Variants in RNF40 observed in about 807,000 individuals in gnomAD.
The protein encoded by RNF40 is ring finger protein 40, also known as E3 ubiquitin-protein ligase BRE1B.
A neutral mutation model predicts 123.3 loss-of-function variants in RNF40; 39 were observed. That is an observed-to-expected ratio of 0.32 (90% CI 0.24 to 0.41). RNF40 has a LOEUF of 0.41. Ranked by LOEUF, RNF40 falls within the 10% of genes least tolerant of loss-of-function variation. RNF40 has a pLI of 1.00. For missense variants in RNF40, 1,003 were observed against 1,319.9 expected (o/e 0.76, Z 3.72); for synonymous variants, 538 against 526.0 (o/e 1.02, Z -0.31).
In RNF40 at chr16:30,775,356, C is replaced by A; in HGVS notation, c.*1242C>A. The stretch of plus-strand genomic sequence containing the variant: ...GGAGAGCGTGGTGGTCGTCGCGGAG[C>A]CGCCTGTCCTGCTCCCACCGACCCC... On this transcript the variant is annotated 3_prime_UTR_variant, in exon 20 of 20. Coordinates refer to ENST00000324685, the MANE Select transcript of RNF40 (RefSeq NM_014771.4). 1 of 281,840 alleles carries A rather than the reference C, an allele frequency of 3.5e-6. No individual in the cohort carries two copies. Among genetic ancestry groups the A allele is most frequent in the Non-Finnish European group, 7.0e-6 (1 of 143,786 alleles). 17.5% of individuals were successfully genotyped at this position (281,840 alleles called of 1,614,324 possible). A position where few individuals can be genotyped will look rare whatever the true frequency, so the allele number is the denominator to read the frequency against.
At chr16:30,763,037 C>G (rs1019746479) in intron 2 of RNF40, 81 bp from the exon 3 acceptor site, 3 of 1,509,248 alleles carry the variant, frequency 2.0e-6, no homozygotes, top group Non-Finnish European at 2.7e-6. Flanking sequence ...ATTGCAGATG[C>G]TCTGCTCCTC....
chr16:30,774,469 T>A lies in RNF40; in HGVS notation c.*355T>A. On this transcript the variant is annotated 3_prime_UTR_variant, in exon 20 of 20. Transcript: ENST00000324685. ...ACCCTAAGGAAAATTCCCCAGGCTG[T>A]GATCTACCCTAGAGAAGGCTCGCTC... 4.2e-6 allele frequency: 1 copy of A among 235,544 alleles called. No homozygotes were observed. Among genetic ancestry groups the A allele is most frequent in the East Asian group, 1.0e-4 (1 of 9,780 alleles). The allele number at this position is 235,544 out of a possible 1,614,324, so 14.6% of individuals were successfully genotyped here. A position where few individuals can be genotyped will look rare whatever the true frequency, so the allele number is the denominator to read the frequency against.
chr16:30,765,176 C>G lies in RNF40; in HGVS notation c.772-5C>G. The G allele has an allele frequency of 6.2e-7, 1 of 1,614,092 alleles. No homozygotes were observed. Among genetic ancestry groups the G allele is most frequent in the Non-Finnish European group, 8.5e-7 (1 of 1,179,966 alleles). ...TCCAAGCATCTGCTCCCTCATTGTT[C>G]CCAGTACTCCGAGCTCCAGGATAAA... On this transcript the variant is annotated splice_region_variant and splice_polypyrimidine_tract_variant and intron_variant, in intron 6 of 19. Coordinates refer to ENST00000324685, the MANE Select transcript of RNF40 (RefSeq NM_014771.4).
At position 30,766,541 on chromosome 16, in the gene RNF40, C is replaced by T; in HGVS notation, c.1276C>T (p.His426Tyr). 1 of 1,610,504 alleles carries T rather than the reference C, an allele frequency of 6.2e-7. No individual in the cohort carries two copies. Among genetic ancestry groups the T allele is most frequent in the Non-Finnish European group, 8.5e-7 (1 of 1,178,204 alleles). ...LLATKNSHLRHIEHMESDELG... is the reference protein window; with the variant it reads ...LLATKNSHLRYIEHMESDELG... Reference sequence around the variant, plus strand: ...GGCCACAAAGAACTCCCACCTGCGACACATCGAGCACATGGAGGTATGGCC... The same window carrying T: ...GGCCACAAAGAACTCCCACCTGCGATACATCGAGCACATGGAGGTATGGCC... Residue 426 changes from histidine to tyrosine, a missense_variant, in exon 10 of 20, where the codon CAC (histidine) becomes TAC (tyrosine). Coordinates refer to ENST00000324685, the MANE Select transcript of RNF40 (RefSeq NM_014771.4). This position sits in a 1 kb window ranked among gnomAD's most constrained non-coding sequence, Gnocchi z 5.4.
intron 4 of RNF40, among the ~76,000 whole-genome samples, chr16:30,763,869 A>G (rs552373305): frequency 6.6e-6 from 1 of 152,362 alleles, no homozygotes; most frequent in African/African-American, 2.4e-5. Context: ...TTATAAACAT[A>G]GTAAGCAGAA....
intron 5 of RNF40, among the ~76,000 whole-genome samples, chr16:30,764,669 G>A (rs1268484650): frequency 6.6e-6 from 1 of 152,170 alleles, no homozygotes; most frequent in African/African-American, 2.4e-5. Context: ...GGATCCACAA[G>A]GCATAGCTTC....
intron 17 of RNF40, among the ~76,000 whole-genome samples, chr16:30,770,248 C>T (rs1030625665): frequency 5.9e-5 from 9 of 151,494 alleles, no homozygotes; most frequent in African/African-American, 1.9e-4. Flanking sequence ...GCTGGGATTA[C>T]AGGCGCGCAC....
In RNF40 at chr16:30,771,869, G is replaced by A. The variant is rs778485488; in HGVS notation, c.2623G>A (p.Val875Met). The A allele has an allele frequency of 1.9e-6, 3 of 1,606,972 alleles. No individual in the cohort carries two copies. In the South Asian group the frequency reaches 3.3e-5, roughly 18 times the overall value. ...CGCCCAGCTGGCCGAGGACCTGAAGGTGCAGCTGGAGCACGTGCAGACTCG... is the reference window on the plus strand; with the variant it reads ...CGCCCAGCTGGCCGAGGACCTGAAGATGCAGCTGGAGCACGTGCAGACTCG... ...EAAQLAEDLK[V>M]QLEHVQTRLR... Residue 875 changes from valine (V) to methionine (M), a missense_variant, in exon 18 of 20, where the codon GTG becomes ATG. Physicochemically the swap from Val to Met is conservative, Grantham distance 21. Transcript: ENST00000324685.
chr16:30,768,966 C>T lies in RNF40; in HGVS notation c.2226C>T (p.Arg742=), dbSNP rs2054095915. 1 of 1,613,894 alleles carries T rather than the reference C, an allele frequency of 6.2e-7. No individual in the cohort carries two copies. The highest frequency in any genetic ancestry group is 8.5e-7 in the Non-Finnish European group (1 of 1,180,022). Residue 742 remains arginine, a synonymous_variant, in exon 15 of 20, where the codon CGC becomes CGT. Transcript: ENST00000324685. The surrounding 1 kb of genome is among the most constrained non-coding windows in gnomAD (Gnocchi z 4.1). The stretch of plus-strand genomic sequence containing the variant: ...AGGAGCAGATAGAACACCTGCAGCG[C>T]AAGCTGGGTGCCACCAAGCAGGTGC... ...QAEEQIEHLQ[R]KLGATKQEEE...
At chr16:30,762,399 G>C (rs2053868700) in intron 1 of RNF40, 39 bp downstream of exon 1, 1 of 805,126 alleles carries the variant, frequency 1.2e-6, no homozygotes, top group African/African-American at 1.8e-5. Flanking sequence ...GATCCAGCAG[G>C]TGTGTGCAGG....
Position 30,763,420 on chromosome 16 carries a change from G to A in RNF40, c.303G>A (p.Leu101=), listed in dbSNP as rs1372509934. ...LLIVNRYWAQ[L]DETVEALLRC... ...TTTTTGATGTTTTCTCCTTCCAGCT[G>A]GATGAAACTGTGGAAGCCCTTCTCC... Residue 101 remains leucine, a splice_region_variant and synonymous_variant, in exon 4 of 20, where the codon CTG becomes CTA. Coordinates refer to ENST00000324685, the MANE Select transcript of RNF40 (RefSeq NM_014771.4). The A allele has an allele frequency of 2.5e-6, 4 of 1,604,308 alleles. No individual in the cohort carries two copies. Among genetic ancestry groups the A allele is most frequent in the African/African-American group, 2.7e-5 (2 of 74,524 alleles).
rs1402599805 is a variant in RNF40 at position 30,763,412 on chromosome 16, T to C, written c.301-6T>C. On this transcript the variant is annotated splice_polypyrimidine_tract_variant and splice_region_variant and intron_variant, in intron 3 of 19. Coordinates refer to ENST00000324685, the MANE Select transcript of RNF40 (RefSeq NM_014771.4). Reference sequence around the variant, plus strand: ...TCATAACATTTTTGATGTTTTCTCCTTCCAGCTGGATGAAACTGTGGAAGC... The same window carrying C: ...TCATAACATTTTTGATGTTTTCTCCCTCCAGCTGGATGAAACTGTGGAAGC... 1 of 1,601,558 alleles carries C rather than the reference T, an allele frequency of 6.2e-7. No homozygotes were observed. The highest frequency in any genetic ancestry group is 1.3e-5 in the African/African-American group (1 of 74,318).
At position 30,765,562 on chromosome 16, in the gene RNF40, C is replaced by T. The variant is rs117940133; in HGVS notation, c.993+63C>T. ...CTTCTCTGTTGCACTCTTGAAATTC[C>T]CCTCAGGACAAAGGACAAACATCCA... On this transcript the variant is annotated intron_variant, in intron 8 of 19. Coordinates refer to ENST00000324685, the MANE Select transcript of RNF40 (RefSeq NM_014771.4). 9.1e-4 allele frequency: 1,323 copies of T among 1,461,360 alleles called. 19 individuals are homozygous for T. The East Asian group carries it at 0.027, about 29-fold the overall frequency. The allele number at this position is 1,461,360 out of a possible 1,614,324, so 90.5% of individuals were successfully genotyped here.
Position 30,768,931 on chromosome 16 carries a change from C to T in RNF40, c.2191C>T (p.Arg731Trp), listed in dbSNP as rs146398674. 6.1e-5 allele frequency: 99 copies of T among 1,614,038 alleles called. No homozygotes were observed. The highest frequency in any genetic ancestry group is 9.3e-5 in the African/African-American group (7 of 74,942). The change falls in exon 15 of 20, where the codon CGG becomes TGG. Residue 731 changes from arginine to tryptophan, a missense_variant. This residue lies in a region of RNF40 where 295 missense variants were observed against 331.7 expected (regional missense o/e 0.89). Coordinates refer to ENST00000324685, the MANE Select transcript of RNF40 (RefSeq NM_014771.4). This position sits in a 1 kb window ranked among gnomAD's most constrained non-coding sequence, Gnocchi z 4.1. ...GGATGAGGATGCCCTGCGGCGCATTCGGCAGGCAGAGGAGCAGATAGAACA... is the reference window on the plus strand; with the variant it reads ...GGATGAGGATGCCCTGCGGCGCATTTGGCAGGCAGAGGAGCAGATAGAACA... ...IADEDALRRIRQAEEQIEHLQ... is the reference protein window; with the variant it reads ...IADEDALRRIWQAEEQIEHLQ...
In RNF40 at chr16:30,766,877, G is replaced by A; in HGVS notation, c.1429+1G>A. 1 of 1,612,866 alleles carries A rather than the reference G, an allele frequency of 6.2e-7. No individual in the cohort carries two copies. The highest frequency in any genetic ancestry group is 8.5e-7 in the Non-Finnish European group (1 of 1,179,840). On this transcript the variant is annotated splice_donor_variant, in intron 11 of 19. Coordinates refer to ENST00000324685, the MANE Select transcript of RNF40 (RefSeq NM_014771.4). LOFTEE classifies it high-confidence loss of function. The surrounding 1 kb of genome is among the most constrained non-coding windows in gnomAD (Gnocchi z 5.4). Reference sequence around the variant, plus strand: ...AATCTGGCGGCCAACGAGCAGGCGGGTATGTGGTGAGGATAGGGCGGAGGT... The same window carrying A: ...AATCTGGCGGCCAACGAGCAGGCGGATATGTGGTGAGGATAGGGCGGAGGT...
upstream of RNF40, chr16:30,761,782 G>C (rs1296738944): frequency 6.7e-7 from 1 of 1,493,672 alleles, no homozygotes; most frequent in Admixed American, 2.0e-5. Flanking sequence ...GGCGCCCCGG[G>C]CTCCCGCCGC....
chr16:30,775,157 T>G lies in RNF40; in HGVS notation c.*1043T>G. 2.6e-6 allele frequency: 1 copy of G among 378,942 alleles called. No individual in the cohort carries two copies. Among genetic ancestry groups the G allele is most frequent in the South Asian group, 1.9e-5 (1 of 52,218 alleles). 23.5% of individuals were successfully genotyped at this position (378,942 alleles called of 1,614,324 possible). On this transcript the variant is annotated 3_prime_UTR_variant, in exon 20 of 20. Transcript: ENST00000324685. ...AGAGATGCTTGTATAGGCTGTTAAT[T>G]GTGATGAATAAACGTTCAACCCTCG...
intron 4 of RNF40, among the ~76,000 whole-genome samples, chr16:30,763,902 A>G (rs1471369178): frequency 2.6e-5 from 4 of 152,156 alleles, no homozygotes; most frequent in Admixed American, 6.6e-5. Context: ...CCTGAAACGG[A>G]ATGATTGTGT....
intron 11 of RNF40, chr16:30,767,663 C>T (rs1414062195): frequency 8.4e-6 from 4 of 478,394 alleles, no homozygotes; most frequent in Non-Finnish European, 1.5e-5. Context: ...ACAAAAAACC[C>T]CACATATTCT....
Sources: allele counts gnomAD v4.1 joint callset (sites outside exome capture counted in the v4.1 genomes callset), GRCh38; gene constraint gnomAD v4.1.1; regional missense constraint gnomAD v4.1.1; non-coding constraint Gnocchi (gnomAD v3.1); transcripts MANE v1.5; gene names NCBI Gene and HGNC (gene_info 2026-07-23, HGNC 2026-07-21).